The following CIROZ variants were observed in gnomAD, a reference collection of about 807,000 sequenced individuals.
The protein encoded by CIROZ is ciliated left-right organizer protein containing ZP-N domains.
the CIROZ span, chr1:10,976,398 C>T: frequency 9.8e-6 from 6 of 612,044 alleles, no homozygotes; most frequent in Non-Finnish European, 1.4e-5. Flanking sequence ...TGCAGTGGCG[C>T]GATCTAAGCT....
the CIROZ span, chr1:10,948,887 A>G: frequency 6.8e-6 from 10 of 1,461,028 alleles, no homozygotes; most frequent in Non-Finnish European, 8.2e-6. Flanking sequence ...CATTAGAAAC[A>G]AGAACACATG....
the CIROZ span, among the ~76,000 whole-genome samples, chr1:10,951,583 G>A: frequency 2.8e-4 from 43 of 151,234 alleles, 1 homozygote; most frequent in African/African-American, 9.9e-4. Flanking sequence ...AAACTAGCTT[G>A]GTATGGTGTC....
At chr1:10,954,961 G>A in the CIROZ span, 1 of 1,575,354 alleles carries the variant, frequency 6.3e-7, no homozygotes, top group South Asian at 1.1e-5. Flanking sequence ...AAGAGAAGGG[G>A]CGAGACAGAG....
chr1:10,960,624 G>A, the CIROZ span, among the ~76,000 whole-genome samples: 4 of 152,234 alleles, frequency 2.6e-5, no homozygotes, highest in Non-Finnish European at 5.9e-5. The surrounding 1 kb of genome is among the most constrained non-coding windows in gnomAD (Gnocchi z 4.6). Context: ...TTATTGCGCG[G>A]CCTCCCGCTC....
At chr1:10,950,394 T>C in the CIROZ span, among the ~76,000 whole-genome samples, 1 of 152,192 alleles carries the variant, frequency 6.6e-6, no homozygotes, top group East Asian at 1.9e-4. Flanking sequence ...TGGCCCTGAC[T>C]CCCTGTCCCA....
the CIROZ span, among the ~76,000 whole-genome samples, chr1:10,964,521 T>C: frequency 6.6e-6 from 1 of 152,114 alleles, no homozygotes; most frequent in Non-Finnish European, 1.5e-5. Flanking sequence ...TTGGGGAAGG[T>C]CAAACCTAGT....
chr1:10,974,586 C>T, the CIROZ span, among the ~76,000 whole-genome samples: 1 of 152,202 alleles, frequency 6.6e-6, no homozygotes, highest in Non-Finnish European at 1.5e-5. This position sits in a 1 kb window ranked among gnomAD's most constrained non-coding sequence, Gnocchi z 4.4. Context: ...CTAAATAAAA[C>T]TCTTCCCCTT....
At chr1:10,972,241 A>C in the CIROZ span, among the ~76,000 whole-genome samples, 1 of 152,224 alleles carries the variant, frequency 6.6e-6, no homozygotes, top group Non-Finnish European at 1.5e-5. Context: ...TAGAGAGCTT[A>C]AGTTAAATAT....
At chr1:10,964,164 G>T in the CIROZ span, 68 of 1,613,912 alleles carry the variant, frequency 4.2e-5, no homozygotes, top group Non-Finnish European at 5.5e-5. Flanking sequence ...CGCTTTCCTG[G>T]CCCAGCCTTG....
the CIROZ span, chr1:10,964,223 C>T: frequency 6.2e-7 from 1 of 1,614,218 alleles, no homozygotes; most frequent in Non-Finnish European, 8.5e-7. Context: ...CGCTCCAACC[C>T]CATCACCCCT....
At chr1:10,955,037 C>T in the CIROZ span, 3 of 1,613,336 alleles carry the variant, frequency 1.9e-6, no homozygotes, top group Non-Finnish European at 2.5e-6. Context: ...ACCACAAAGT[C>T]CTTGTTCTCA....
chr1:10,956,698 T>C, the CIROZ span, among the ~76,000 whole-genome samples: 64,272 of 151,606 alleles, frequency 0.42, 16,996 homozygotes, highest in African/African-American at 0.73. Context: ...AGGATGGTCT[T>C]GATCTCCTGA....
chr1:10,971,374 C>G, the CIROZ span, among the ~76,000 whole-genome samples: 676 of 151,846 alleles, frequency 4.5e-3, 4 homozygotes, highest in African/African-American at 0.015. Flanking sequence ...GAGATCATGT[C>G]AGTCCCTTCT....
the CIROZ span, among the ~76,000 whole-genome samples, chr1:10,981,429 C>A: frequency 6.7e-6 from 1 of 149,964 alleles, no homozygotes; most frequent in East Asian, 2.0e-4. Context: ...CCAGCCTGGG[C>A]AACAGAGCAA....
At chr1:10,970,000 G>A in the CIROZ span, 19 of 1,536,848 alleles carry the variant, frequency 1.2e-5, no homozygotes, top group East Asian at 9.8e-5. Flanking sequence ...GCCAGCCACC[G>A]CCTCAGCCCC....
chr1:10,947,534 G>T, the CIROZ span: 1 of 771,558 alleles, frequency 1.3e-6, no homozygotes, highest in Non-Finnish European at 1.9e-6. Flanking sequence ...GGCCAGAAGA[G>T]CACCGGGGCT....
the CIROZ span, among the ~76,000 whole-genome samples, chr1:10,970,701 G>A: frequency 6.6e-6 from 1 of 152,084 alleles, no homozygotes; most frequent in South Asian, 2.1e-4. Flanking sequence ...GGTCTAAGGC[G>A]GGGCCTGAGA....
chr1:10,949,324 G>A, the CIROZ span: 4 of 458,800 alleles, frequency 8.7e-6, no homozygotes, highest in South Asian at 2.4e-5. Flanking sequence ...GTGCATAGCT[G>A]CTGACCCCCC....
At chr1:10,961,524 A>T in the CIROZ span, among the ~76,000 whole-genome samples, 3 of 152,030 alleles carry the variant, frequency 2.0e-5, no homozygotes, top group Non-Finnish European at 4.4e-5. Flanking sequence ...ACCACAGCAC[A>T]CTCATTTTTG....
Sources: allele counts gnomAD v4.1 joint callset (sites outside exome capture counted in the v4.1 genomes callset), GRCh38; gene constraint gnomAD v4.1.1; non-coding constraint Gnocchi (gnomAD v3.1); transcripts MANE v1.5; gene names NCBI Gene and HGNC (gene_info 2026-07-23, HGNC 2026-07-21).